DLG2: variants seen among roughly 807,000 people sequenced by gnomAD.
DLG2 encodes the protein discs large MAGUK scaffold protein 2.
Under a neutral mutation model 132.5 loss-of-function variants are expected in DLG2, and 45 were observed. The observed-to-expected ratio is 0.34, with a 90% CI of 0.27 to 0.44. DLG2 has a LOEUF of 0.44. Among genes scored for constraint, DLG2 ranks in the 20% least tolerant of loss-of-function variants. The pLI is 1.00. For synonymous variants in DLG2, 424 were observed against 419.6 expected (o/e 1.01, Z -0.13); for missense variants, 1,045 against 1,196.9 (o/e 0.87, Z 1.87).
chr11:84,141,722 A>G (rs1272653045), intron 9 of DLG2, among the ~76,000 whole-genome samples: 1 of 152,126 alleles, frequency 6.6e-6, no homozygotes, highest in Admixed American at 6.6e-5. Flanking sequence ...CTAGAGGCTC[A>G]TCATTGAGTA....
intron 14 of DLG2, 64 bp from the exon 15 acceptor site, chr11:83,930,547 C>T: frequency 6.8e-7 from 1 of 1,466,394 alleles, no homozygotes. Flanking sequence ...ACCTGTGCAA[C>T]CAGTAGCATC....
intron 16 of DLG2, among the ~76,000 whole-genome samples, chr11:83,870,623 C>T (rs1595717935): frequency 6.6e-6 from 1 of 152,106 alleles, no homozygotes; most frequent in African/African-American, 2.4e-5. Flanking sequence ...GCTGTGGGGG[C>T]CAACTCTCAA....
rs75318136 is a variant in DLG2, at chr11:84,859,923, C to T, written c.357+251738G>A. Among the ~76,000 whole-genome samples, 760 of 152,230 alleles carry T rather than the reference C, an allele frequency of 5.0e-3. 11 individuals carry two copies. Among genetic ancestry groups the T allele is most frequent in the African/African-American group, 0.017 (725 of 41,544 alleles). Reference sequence around the variant, plus strand: ...CTTAAGTTAAAAGTCACCTCCTCTACGCAGCCTCTCTGACTTCTTGAACAA... The same window carrying T: ...CTTAAGTTAAAAGTCACCTCCTCTATGCAGCCTCTCTGACTTCTTGAACAA... On this transcript the variant is annotated intron_variant, in intron 6 of 27. Coordinates refer to ENST00000376104, the MANE Select transcript of DLG2 (RefSeq NM_001142699.3).
chr11:84,172,601 G>C (rs1404996464), intron 8 of DLG2, among the ~76,000 whole-genome samples: 1 of 151,696 alleles, frequency 6.6e-6, no homozygotes, highest in African/African-American at 2.4e-5. Flanking sequence ...GGAGTGCAGT[G>C]GTGCAATCTC....
chr11:85,323,886 T>A (rs929040803), intron 3 of DLG2, among the ~76,000 whole-genome samples: 4 of 152,246 alleles, frequency 2.6e-5, no homozygotes, highest in Admixed American at 2.0e-4. Context: ...CCACTTTTTT[T>A]AAATCCATTA....
intron 7 of DLG2, among the ~76,000 whole-genome samples, chr11:84,371,769 T>C (rs2098707569): frequency 2.0e-5 from 3 of 152,194 alleles, no homozygotes; most frequent in Admixed American, 6.6e-5. Context: ...TTTTCTACTT[T>C]TAGAAAACTT....
chr11:84,788,958 G>A (rs1040382285), intron 6 of DLG2, among the ~76,000 whole-genome samples: 2 of 152,184 alleles, frequency 1.3e-5, no homozygotes, highest in East Asian at 3.9e-4. Context: ...AGAAGATGGT[G>A]CTATCAAATA....
chr11:83,577,797 T>G (rs1445777287), intron 19 of DLG2, among the ~76,000 whole-genome samples: 1 of 127,180 alleles, frequency 7.9e-6, no homozygotes. Flanking sequence ...ATTTTATATA[T>G]TTATATTTTA....
chr11:84,409,599 A>T (rs530583309), intron 7 of DLG2, among the ~76,000 whole-genome samples: 139 of 152,336 alleles, frequency 9.1e-4, no homozygotes, highest in African/African-American at 3.3e-3. Context: ...AAAGATAAAG[A>T]CAATAAGCTT....
chr11:84,977,624 C>T (rs1034654425), intron 6 of DLG2, among the ~76,000 whole-genome samples: 10 of 152,164 alleles, frequency 6.6e-5, no homozygotes, highest in Non-Finnish European at 1.2e-4. Context: ...CCAAACGCTA[C>T]CCTTTTCTCA....
At chr11:85,511,237 G>A (rs1487450566) in intron 3 of DLG2, among the ~76,000 whole-genome samples, 1 of 152,006 alleles carries the variant, frequency 6.6e-6, no homozygotes, top group Non-Finnish European at 1.5e-5. Context: ...TGGGGGAAGA[G>A]GGAAGGGATA....
intron 7 of DLG2, among the ~76,000 whole-genome samples, chr11:84,373,985 T>C (rs1314597480): frequency 3.9e-5 from 6 of 152,220 alleles, no homozygotes; most frequent in Non-Finnish European, 8.8e-5. Flanking sequence ...CTTGATACTT[T>C]ACATGAACAC....
chr11:85,026,816 G>A (rs900461263), intron 6 of DLG2, among the ~76,000 whole-genome samples: 3 of 151,988 alleles, frequency 2.0e-5, no homozygotes, highest in Non-Finnish European at 2.9e-5. Context: ...CAGCCTGGGT[G>A]AGAGAGCAAG....
chr11:85,101,387 A>G (rs1434827740), intron 6 of DLG2, among the ~76,000 whole-genome samples: 1 of 152,300 alleles, frequency 6.6e-6, no homozygotes, highest in Non-Finnish European at 1.5e-5. Context: ...TCATAGAATA[A>G]GTTATCAGTA....
At chr11:83,690,040 A>T (rs1292135870) in intron 18 of DLG2, among the ~76,000 whole-genome samples, 2 of 146,310 alleles carry the variant, frequency 1.4e-5, no homozygotes, top group African/African-American at 5.0e-5. Flanking sequence ...GTAAATATAA[A>T]TTATGTATTT....
At chr11:83,582,977 A>G (rs2097009460) in intron 19 of DLG2, among the ~76,000 whole-genome samples, 1 of 152,214 alleles carries the variant, frequency 6.6e-6, no homozygotes, top group South Asian at 2.1e-4. Flanking sequence ...TGACTTATCT[A>G]AATCTCACAG....
Position 84,150,750 on chromosome 11 carries a change from T to C in DLG2, c.624+12711A>G, listed in dbSNP as rs1236801281. On this transcript the variant is annotated intron_variant, in intron 9 of 27. Coordinates refer to ENST00000376104, the MANE Select transcript of DLG2 (RefSeq NM_001142699.3). ...TCATATGTTGACTACAGGAATTTCA[T>C]AGATGGCTCTTATTATTTTGAGGTA... is the stretch of plus-strand genomic sequence containing the variant. Among the ~76,000 whole-genome samples, 4 of 152,200 alleles carry C rather than the reference T, an allele frequency of 2.6e-5. No individual in the cohort carries two copies. In the East Asian group the frequency reaches 7.7e-4, roughly 29 times the overall value.
intron 18 of DLG2, among the ~76,000 whole-genome samples, chr11:83,695,880 T>A (rs1022194741): frequency 6.6e-6 from 1 of 151,788 alleles, no homozygotes; most frequent in Non-Finnish European, 1.5e-5. Context: ...TCCACCGTGA[T>A]GTGAAACAAC....
chr11:84,790,249 T>C (rs560900941), intron 6 of DLG2, among the ~76,000 whole-genome samples: 18 of 152,334 alleles, frequency 1.2e-4, no homozygotes, highest in Admixed American at 9.1e-4. Context: ...CCAGCATTTG[T>C]TATTGCCTGC....
Sources: allele counts gnomAD v4.1 joint callset (sites outside exome capture counted in the v4.1 genomes callset), GRCh38; gene constraint gnomAD v4.1.1; transcripts MANE v1.5; gene names NCBI Gene and HGNC (gene_info 2026-07-23, HGNC 2026-07-21).